The following SAMMSON variants were observed in gnomAD, a reference collection of about 807,000 sequenced individuals.
SAMMSON encodes long intergenic non-protein coding RNA 1212.
At chr3:70,085,401 G>A (rs1469175923) in intron 4 of SAMMSON, among the ~76,000 whole-genome samples, 1 of 152,158 alleles carries the variant, frequency 6.6e-6, no homozygotes, top group Non-Finnish European at 1.5e-5. Flanking sequence ...AGGACATTGA[G>A]ACAAATGTAG....
At chr3:70,069,144 C>A (rs939791539) in intron 3 of SAMMSON, 13 of 151,994 alleles carry the variant, frequency 8.6e-5, no homozygotes, top group African/African-American at 2.9e-4. Flanking sequence ...TTCACAAATT[C>A]AATATCTGAA....
At chr3:70,412,193 G>A (rs1334660497) in intron 2 of SAMMSON, among the ~76,000 whole-genome samples, 4 of 152,118 alleles carry the variant, frequency 2.6e-5, no homozygotes, top group Admixed American at 6.6e-5. Flanking sequence ...TTATGGACTT[G>A]TCTTACCAAA....
At chr3:70,358,602 A>G (rs1473055712) in intron 9 of SAMMSON, among the ~76,000 whole-genome samples, 1 of 152,140 alleles carries the variant, frequency 6.6e-6, no homozygotes, top group Non-Finnish European at 1.5e-5. Context: ...GTTGTTAGTC[A>G]TGTTAGAAAT....
At chr3:70,357,958 G>A (rs1702842350) in intron 8 of SAMMSON, among the ~76,000 whole-genome samples, 1 of 152,052 alleles carries the variant, frequency 6.6e-6, no homozygotes, top group African/African-American at 2.4e-5. Context: ...CTTGACTCTT[G>A]TTGTGTTTTG....
intron 4 of SAMMSON, chr3:70,205,471 T>A (rs1222804270): frequency 6.6e-6 from 1 of 152,138 alleles, no homozygotes; most frequent in African/African-American, 2.4e-5. Context: ...TCTTCCTTAC[T>A]TTCTAAAAAT....
chr3:70,173,506 C>T (rs2106701087), intron 4 of SAMMSON, among the ~76,000 whole-genome samples: 1 of 151,764 alleles, frequency 6.6e-6, no homozygotes, highest in African/African-American at 2.4e-5. Flanking sequence ...GTTTTAAATC[C>T]CCTGTCTAGG....
intron 9 of SAMMSON, among the ~76,000 whole-genome samples, chr3:70,362,765 C>T (rs1030895083): frequency 1.3e-5 from 2 of 150,422 alleles, no homozygotes; most frequent in Admixed American, 6.6e-5. Flanking sequence ...AAGAAGCTTA[C>T]TCTGATCTGT....
At chr3:70,366,492 G>GTTTTTTTTTTTTTTTTTTTTTTTTTTGTT in intron 9 of SAMMSON, among the ~76,000 whole-genome samples, 2 of 100,756 alleles carry the variant, frequency 2.0e-5, no homozygotes, top group Admixed American at 1.1e-4. Context: ...GTGTTTTTAT[G>GTTTTTTTTTTTTTTTTTTTTTTTTTTGTT]TTTTTTTTTT....
chr3:70,359,193 T>G (rs1195303129), intron 9 of SAMMSON, among the ~76,000 whole-genome samples: 1 of 152,150 alleles, frequency 6.6e-6, no homozygotes, highest in African/African-American at 2.4e-5. Flanking sequence ...ATACACACTT[T>G]GCCTCTACTT....
At chr3:70,286,785 A>T in intron 6 of SAMMSON, among the ~76,000 whole-genome samples, 1 of 152,072 alleles carries the variant, frequency 6.6e-6, no homozygotes, top group Non-Finnish European at 1.5e-5. Flanking sequence ...ATCCCTTATA[A>T]GTTGGATTCC....
chr3:70,328,210 A>G (rs1218154979), intron 7 of SAMMSON, among the ~76,000 whole-genome samples: 2 of 152,180 alleles, frequency 1.3e-5, no homozygotes, highest in Non-Finnish European at 2.9e-5. Flanking sequence ...CGTGGGAATT[A>G]TGGGAGCTAC....
At chr3:70,375,714 C>T (rs1424951605) in intron 9 of SAMMSON, among the ~76,000 whole-genome samples, 1 of 152,102 alleles carries the variant, frequency 6.6e-6, no homozygotes, top group Non-Finnish European at 1.5e-5. Context: ...TATTCCAGTC[C>T]TGTCTACTTT....
At chr3:70,326,826 T>A (rs1413974009) in intron 7 of SAMMSON, among the ~76,000 whole-genome samples, 1 of 152,190 alleles carries the variant, frequency 6.6e-6, no homozygotes, top group Non-Finnish European at 1.5e-5. Context: ...GGCATCATTG[T>A]ACATATTTGA....
chr3:70,194,947 G>A (rs965918688), intron 4 of SAMMSON, among the ~76,000 whole-genome samples: 1 of 152,126 alleles, frequency 6.6e-6, no homozygotes, highest in African/African-American at 2.4e-5. Context: ...ACTAGGAGGT[G>A]CAAGGAAACA....
At chr3:70,010,407 C>G (rs1576094282) in intron 1 of SAMMSON, among the ~76,000 whole-genome samples, 1 of 152,098 alleles carries the variant, frequency 6.6e-6, no homozygotes, top group African/African-American at 2.4e-5. Context: ...CCTTCTTTGT[C>G]TCTTTTGATC....
intron 9 of SAMMSON, among the ~76,000 whole-genome samples, chr3:70,386,400 T>A (rs1703123069): frequency 1.3e-5 from 2 of 152,064 alleles, no homozygotes. Flanking sequence ...ATATCTCATT[T>A]ATGAAGAGAT....
chr3:70,425,064 AAG>A (rs1363252729), intron 2 of SAMMSON: 1 of 152,462 alleles, frequency 6.6e-6, no homozygotes, highest in Non-Finnish European at 1.5e-5. Context: ...AAGAAGTGGA[AAG>A]AGAAGAAGGA....
intron 7 of SAMMSON, among the ~76,000 whole-genome samples, chr3:70,332,576 C>G (rs1702628907): frequency 6.6e-6 from 1 of 152,022 alleles, no homozygotes; most frequent in South Asian, 2.1e-4. Flanking sequence ...GGGCATTTAG[C>G]ACAGTGTCTG....
At chr3:70,394,387 T>A (rs1339803228), downstream of SAMMSON, among the ~76,000 whole-genome samples, 1 of 152,108 alleles carries the variant, frequency 6.6e-6, no homozygotes, top group Non-Finnish European at 1.5e-5. Context: ...CATGCCATAT[T>A]GGAGCCAAAA....
Sources: gnomAD v4.1 joint callset for allele counts (sites outside exome capture counted in the v4.1 genomes callset) on GRCh38, gnomAD v4.1.1 for gene constraint, MANE v1.5 for transcripts, NCBI Gene and HGNC (gene_info 2026-07-23, HGNC 2026-07-21) for gene names.